The following SDK1 variants were observed in gnomAD, a reference collection of about 807,000 sequenced individuals.
SDK1 encodes the protein sidekick cell adhesion molecule 1.
In SDK1, 157 loss-of-function variants were observed where a neutral mutation model predicts 245.5. That is an observed-to-expected ratio of 0.64 (90% CI 0.56 to 0.73). The LOEUF is 0.73. SDK1 is among the 30% of genes least tolerant of loss of function. SDK1 has a pLI of 0.00. For synonymous variants in SDK1, 1,647 were observed against 1,278.5 expected, an observed-to-expected ratio of 1.29 and a Z score of -6.15; for missense variants, 3,583 against 3,002.3, an observed-to-expected ratio of 1.19 and a Z score of -4.52.
chr7:4,077,172 C>T lies in SDK1; in HGVS notation c.3185C>T (p.Ser1062Phe). Residue 1062 changes from serine to phenylalanine, a missense_variant, in exon 21 of 45, where the codon TCT becomes TTT. By Grantham distance (155) the Ser-to-Phe change is radical (BLOSUM62 -2). Transcript: ENST00000404826. Reference sequence around the variant, plus strand: ...GGCCTGGTGACTTCATCCACCATTTCTTCTGGAGTGCCCCCAGGTCAGTAG... The same window carrying T: ...GGCCTGGTGACTTCATCCACCATTTTTTCTGGAGTGCCCCCAGGTCAGTAG... ...GTGLVTSSTI[S>F]SGVPPDLPGA... 1 of 1,614,154 alleles carries T rather than the reference C, an allele frequency of 6.2e-7. No individual in the cohort carries two copies. The highest frequency in any genetic ancestry group is 8.5e-7 in the Non-Finnish European group (1 of 1,180,010).
At chr7:4,234,013 CCT>C (rs1370545590) in intron 41 of SDK1, among the ~76,000 whole-genome samples, 5 of 152,330 alleles carry the variant, frequency 3.3e-5, no homozygotes, top group Admixed American at 3.3e-4. Context: ...GCCCCGATCC[CCT>C]GTGTTAGCTG....
Position 3,866,620 on chromosome 7 carries a change from C to T in SDK1, c.847+45037C>T, listed in dbSNP as rs147201314. ...ACGCACTAGTTTTCATGCAATTCCACGGAGGTCGTGGACTCCCCTGCCCCT... is the reference window on the plus strand; with the variant it reads ...ACGCACTAGTTTTCATGCAATTCCATGGAGGTCGTGGACTCCCCTGCCCCT... On this transcript the variant is annotated intron_variant, in intron 5 of 44. Coordinates refer to ENST00000404826, the MANE Select transcript of SDK1 (RefSeq NM_152744.4). Among the ~76,000 whole-genome samples the T allele has an allele frequency of 4.7e-3, 723 of 152,248 alleles. 3 individuals are homozygous for T. Among genetic ancestry groups the T allele is most frequent in the Non-Finnish European group, 6.0e-3 (408 of 68,018 alleles).
intron 5 of SDK1, among the ~76,000 whole-genome samples, chr7:3,890,809 G>T (rs980382333): frequency 6.6e-6 from 1 of 152,178 alleles, no homozygotes; most frequent in Non-Finnish European, 1.5e-5. Context: ...AGGTGTTGTG[G>T]TGGGTGCCTG....
At chr7:4,144,927 C>T (rs535407099) in intron 28 of SDK1, among the ~76,000 whole-genome samples, 18 of 152,336 alleles carry the variant, frequency 1.2e-4, no homozygotes, top group South Asian at 2.1e-4. Context: ...CTGGACCACA[C>T]GTTGTCTGTG....
intron 1 of SDK1, among the ~76,000 whole-genome samples, chr7:3,313,193 G>A (rs1018921703): frequency 6.6e-6 from 1 of 152,132 alleles, no homozygotes; most frequent in African/African-American, 2.4e-5. Context: ...CAGATCACGA[G>A]GTCAAGAGAT....
In SDK1 at chr7:4,102,145, C is replaced by G. The variant is rs187672385; in HGVS notation, c.3325-8518C>G. On this transcript the variant is annotated intron_variant, in intron 22 of 44. Transcript: ENST00000404826. ...GATAAACGCAGCACAGCGTCGAGTC[C>G]CCTGCCGGCTTATGAGGTGTGCAAA... 1.3e-4 allele frequency among the ~76,000 whole-genome samples: 20 copies of G among 152,272 alleles called. No homozygotes were observed. In the East Asian group the frequency reaches 3.1e-3, roughly 24 times the overall value.
At chr7:4,006,728 T>C (rs1219769923) in intron 14 of SDK1, among the ~76,000 whole-genome samples, 5 of 152,214 alleles carry the variant, frequency 3.3e-5, no homozygotes, top group Non-Finnish European at 7.3e-5. Flanking sequence ...AAAGAAAGAA[T>C]TCCTATAGCT....
intron 1 of SDK1, among the ~76,000 whole-genome samples, chr7:3,349,065 G>A (rs1356695855): frequency 1.3e-5 from 2 of 152,036 alleles, no homozygotes; most frequent in Non-Finnish European, 2.9e-5. Context: ...TTTGGCTGCA[G>A]GATGTTGAAG....
intron 22 of SDK1, among the ~76,000 whole-genome samples, chr7:4,088,302 T>C (rs57530614): frequency 0.043 from 6,532 of 152,308 alleles, 369 homozygotes; most frequent in African/African-American, 0.13. Flanking sequence ...TTTTTTATAT[T>C]CTTTCTTTCT....
At chr7:3,427,711 C>A (rs1422595853) in intron 1 of SDK1, among the ~76,000 whole-genome samples, 1 of 152,090 alleles carries the variant, frequency 6.6e-6, no homozygotes, top group Non-Finnish European at 1.5e-5. Flanking sequence ...TTTGTGCTTT[C>A]AGTGAGTTTC....
rs187555483 is a variant in SDK1, at chr7:4,078,069, C to T, written c.3202+880C>T. Among the ~76,000 whole-genome samples, 9 of 152,298 alleles carry T rather than the reference C, an allele frequency of 5.9e-5. No homozygotes were observed. The South Asian group carries it at 6.2e-4, about 11-fold the overall frequency. ...GGCTGTGCTTCCAGAAACACTCTGACGCACACTACGTCTGGAGCCACAGAG... is the reference window on the plus strand; with the variant it reads ...GGCTGTGCTTCCAGAAACACTCTGATGCACACTACGTCTGGAGCCACAGAG... On this transcript the variant is annotated intron_variant, in intron 21 of 44. Transcript: ENST00000404826.
At chr7:3,693,577 A>G (rs1230926333) in intron 4 of SDK1, among the ~76,000 whole-genome samples, 1 of 151,830 alleles carries the variant, frequency 6.6e-6, no homozygotes, top group South Asian at 2.1e-4. Context: ...CATAGATGCC[A>G]TGTTTTTTGT....
At chr7:3,352,143 AATAT>A (rs547204289) in intron 1 of SDK1, among the ~76,000 whole-genome samples, 2 of 149,164 alleles carry the variant, frequency 1.3e-5, no homozygotes, top group Non-Finnish European at 3.0e-5. Context: ...TAAATATATA[AATAT>A]ATATTTATAA....
chr7:3,782,062 G>A (rs552419226), intron 4 of SDK1, among the ~76,000 whole-genome samples: 9 of 152,176 alleles, frequency 5.9e-5, no homozygotes, highest in Admixed American at 4.6e-4. Context: ...GTTTTAGGCT[G>A]TTGTTGCATT....
At chr7:3,934,371 T>C (rs1435105968) in intron 5 of SDK1, among the ~76,000 whole-genome samples, 1 of 152,250 alleles carries the variant, frequency 6.6e-6, no homozygotes, top group African/African-American at 2.4e-5. Context: ...GGTTTATCTA[T>C]TAAAGACACT....
At chr7:3,845,683 G>T (rs1208524924) in intron 5 of SDK1, among the ~76,000 whole-genome samples, 1 of 149,164 alleles carries the variant, frequency 6.7e-6, no homozygotes, top group Non-Finnish European at 1.5e-5. Context: ...TTCTCTCCAC[G>T]TGCTTCTCCT....
rs28532947 is a variant in SDK1, at chr7:3,863,199, G to C, written c.847+41616G>C. 9.5e-3 allele frequency among the ~76,000 whole-genome samples: 1,440 copies of C among 152,288 alleles called. 26 individuals are homozygous for C. Among genetic ancestry groups the C allele is most frequent in the African/African-American group, 0.033 (1,363 of 41,554 alleles). On this transcript the variant is annotated intron_variant, in intron 5 of 44. Coordinates refer to ENST00000404826, the MANE Select transcript of SDK1 (RefSeq NM_152744.4). ...ATTATCTACTTAGCAAGATGACCCA[G>C]ACTCCTTAAAGGAACACAGGGAATG...
chr7:3,944,407 T>C (rs567067757), intron 5 of SDK1, among the ~76,000 whole-genome samples: 1 of 152,378 alleles, frequency 6.6e-6, no homozygotes, highest in Non-Finnish European at 1.5e-5. Context: ...TGAGGCCTTA[T>C]TCGTTGGTAT....
intron 4 of SDK1, among the ~76,000 whole-genome samples, chr7:3,727,101 G>A (rs1254323955): frequency 6.6e-6 from 1 of 152,206 alleles, no homozygotes; most frequent in East Asian, 1.9e-4. Flanking sequence ...CAGGCTTGCT[G>A]TGAGGAAGGA....
Sources: allele counts gnomAD v4.1 joint callset (sites outside exome capture counted in the v4.1 genomes callset), GRCh38; gene constraint gnomAD v4.1.1; transcripts MANE v1.5; gene names NCBI Gene and HGNC (gene_info 2026-07-23, HGNC 2026-07-21).